PLEKHG1: variants seen among roughly 807,000 people sequenced by gnomAD.
The protein encoded by PLEKHG1 is pleckstrin homology domain-containing family G member 1.
PLEKHG1 carries 44 observed loss-of-function variants against 100.8 expected under a neutral mutation model. The observed-to-expected ratio is 0.44, with a 90% CI of 0.34 to 0.56. PLEKHG1 has a LOEUF of 0.56. Among genes scored for constraint, PLEKHG1 ranks in the 20% least tolerant of loss-of-function variants. PLEKHG1 has a pLI of 0.01. For synonymous variants in PLEKHG1, 640 were observed against 662.5 expected (o/e 0.97, Z 0.52); for missense variants, 1,545 against 1,720.9 (o/e 0.90, Z 1.81).
In PLEKHG1 at chr6:150,834,134, GTTC is replaced by G. The variant is rs757531148; in HGVS notation, c.3094+1935_3094+1937del. On this transcript the variant is annotated intron_variant, in intron 15 of 15. Transcript: ENST00000358517. The stretch of plus-strand genomic sequence containing the variant: ...GCCTGAAGGATTTCACAGACTCTGA[GTTC>G]TTCTTTTTAATCAAATGAAGGTTTT... Among the ~76,000 whole-genome samples the G allele has an allele frequency of 1.2e-4, 18 of 152,302 alleles. 2 individuals are homozygous for G. The East Asian group carries it at 3.5e-3, about 29-fold the overall frequency.
chr6:150,612,522 G>A (rs1387411192), intron 1 of PLEKHG1, among the ~76,000 whole-genome samples: 3 of 152,006 alleles, frequency 2.0e-5, no homozygotes, highest in South Asian at 2.1e-4. Flanking sequence ...TAGTAGAGAC[G>A]GGGTTTTGCC....
chr6:150,611,811 CAAA>C (rs35351890), intron 1 of PLEKHG1, among the ~76,000 whole-genome samples: 13 of 121,560 alleles, frequency 1.1e-4, no homozygotes, highest in Admixed American at 8.2e-5. Context: ...GACTCCATCT[CAAA>C]AAAAAAAAAA....
At chr6:150,680,464 G>A (rs973911500) in intron 3 of PLEKHG1, among the ~76,000 whole-genome samples, 1 of 152,204 alleles carries the variant, frequency 6.6e-6, no homozygotes, top group East Asian at 1.9e-4. Context: ...TCAAAGCTGA[G>A]CTATCAAATA....
At chr6:150,813,122 G>T (rs1787631904) in intron 10 of PLEKHG1, among the ~76,000 whole-genome samples, 1 of 151,922 alleles carries the variant, frequency 6.6e-6, no homozygotes. Flanking sequence ...TGGCTAACAC[G>T]GTGAAACCCC....
upstream of PLEKHG1, among the ~76,000 whole-genome samples, chr6:150,719,702 C>T (rs1163339455): frequency 2.0e-5 from 3 of 152,158 alleles, no homozygotes; most frequent in Non-Finnish European, 2.9e-5. Flanking sequence ...GTATGGGAGA[C>T]ACAGACATGA....
intron 1 of PLEKHG1, among the ~76,000 whole-genome samples, chr6:150,618,311 G>A (rs1363492407): frequency 1.3e-5 from 2 of 152,238 alleles, no homozygotes; most frequent in Non-Finnish European, 2.9e-5. Context: ...GTTTTTGAAT[G>A]CTGGATGAAT....
chr6:150,697,268 A>G (rs1384656974), intron 3 of PLEKHG1, among the ~76,000 whole-genome samples: 1 of 152,198 alleles, frequency 6.6e-6, no homozygotes, highest in East Asian at 1.9e-4. Flanking sequence ...AGGTGGATAA[A>G]ATGGTAAAGT....
At chr6:150,767,266 T>G (rs564033313) in intron 2 of PLEKHG1, among the ~76,000 whole-genome samples, 1 of 152,334 alleles carries the variant, frequency 6.6e-6, no homozygotes, top group South Asian at 2.1e-4. Context: ...CTCTTATGAT[T>G]GTTCCATTTA....
chr6:150,790,146 C>T (rs1476983391), intron 4 of PLEKHG1, among the ~76,000 whole-genome samples: 4 of 152,110 alleles, frequency 2.6e-5, no homozygotes, highest in African/African-American at 7.2e-5. Flanking sequence ...TCCGCCCCCA[C>T]GAGTAGCTGG....
In PLEKHG1 at chr6:150,821,365, G is replaced by T. The variant is rs571548803; in HGVS notation, c.1447+132G>T. On this transcript the variant is annotated intron_variant, in intron 13 of 15. Transcript: ENST00000358517. ...TTTGATTACAAAAAGATTAACTTCTGTAAATAAAAGTGTCCCATTATAAAA... is the reference window on the plus strand; with the variant it reads ...TTTGATTACAAAAAGATTAACTTCTTTAAATAAAAGTGTCCCATTATAAAA... 5 of 680,978 alleles carry T rather than the reference G, an allele frequency of 7.3e-6. No homozygotes were observed. The East Asian group carries it at 1.4e-4, about 19-fold the overall frequency. The allele number at this position is 680,978 out of a possible 1,614,324, so 42.2% of individuals were successfully genotyped here.
At chr6:150,640,663 T>A (rs1219748791) in intron 2 of PLEKHG1, among the ~76,000 whole-genome samples, 1 of 152,174 alleles carries the variant, frequency 6.6e-6, no homozygotes, top group African/African-American at 2.4e-5. Flanking sequence ...GTAAGATACA[T>A]GGTGTTTCAC....
At chr6:150,664,587 C>G (rs1779327371) in intron 3 of PLEKHG1, 1 of 152,330 alleles carries the variant, frequency 6.6e-6, no homozygotes, top group Non-Finnish European at 1.5e-5. Flanking sequence ...CAGACTCTCC[C>G]TCCTTCTTCA....
chr6:150,609,049 G>A (rs536641421), intron 1 of PLEKHG1, among the ~76,000 whole-genome samples: 3 of 152,298 alleles, frequency 2.0e-5, no homozygotes, highest in South Asian at 2.1e-4. Flanking sequence ...AAACAGTCTA[G>A]GTGTTAGAAG....
chr6:150,618,718 C>G (rs1475299827), intron 1 of PLEKHG1, among the ~76,000 whole-genome samples: 1 of 152,022 alleles, frequency 6.6e-6, no homozygotes, highest in African/African-American at 2.4e-5. Context: ...GGCTTCAACA[C>G]CTGGCTTACA....
In PLEKHG1 at chr6:150,674,628, C is replaced by CTCTCTCTCTCTCT. The variant is rs1554258825; in HGVS notation, c.-99+23842_-99+23843insTCTCTCTCTCTCT. On this transcript the variant is annotated intron_variant, in intron 3 of 3. Coordinates refer to the PLEKHG1 transcript ENST00000367326. ...ATTACACCTGTAACTTTCTCTCTCT[C>CTCTCTCTCTCTCT]CTCCCTCTCTCTCTCTCTCTCTCTC... Among the ~76,000 whole-genome samples, 12 of 51,892 alleles carry CTCTCTCTCTCTCT rather than the reference C, an allele frequency of 2.3e-4. 2 individuals are homozygous for CTCTCTCTCTCTCT. The highest frequency in any genetic ancestry group is 3.1e-4 in the Non-Finnish European group (8 of 25,718). The allele number at this position is 51,892 out of a possible 152,430, so 34.0% of individuals were successfully genotyped here.
At chr6:150,730,441 A>T (rs73608797) in intron 1 of PLEKHG1, among the ~76,000 whole-genome samples, 26,810 of 151,520 alleles carry the variant, frequency 0.18, 3,669 homozygotes, top group African/African-American at 0.38. Context: ...GATCCCTGGC[A>T]TGCATAGGTC....
intron 2 of PLEKHG1, among the ~76,000 whole-genome samples, chr6:150,758,692 T>C (rs1783988677): frequency 6.6e-6 from 1 of 152,228 alleles, no homozygotes; most frequent in African/African-American, 2.4e-5. Flanking sequence ...TATCTTATTG[T>C]GGTTTTGATT....
At chr6:150,645,782 C>T (rs1778468218) in intron 2 of PLEKHG1, among the ~76,000 whole-genome samples, 1 of 152,178 alleles carries the variant, frequency 6.6e-6, no homozygotes, top group Non-Finnish European at 1.5e-5. Flanking sequence ...AACTCTTATA[C>T]ACTATGGGTG....
intron 1 of PLEKHG1, among the ~76,000 whole-genome samples, chr6:150,605,065 C>T (rs1776535282): frequency 6.6e-6 from 1 of 152,194 alleles, no homozygotes; most frequent in African/African-American, 2.4e-5. Flanking sequence ...AGCCCTTCCT[C>T]ATTTATTGGA....
Sources: allele counts gnomAD v4.1 joint callset (sites outside exome capture counted in the v4.1 genomes callset), GRCh38; gene constraint gnomAD v4.1.1; transcripts MANE v1.5; gene names NCBI Gene and HGNC (gene_info 2026-07-23, HGNC 2026-07-21).